The following FRMD4A variants were observed in gnomAD, a reference collection of about 807,000 sequenced individuals.
The protein encoded by FRMD4A is FERM domain-containing protein 4A.
A neutral mutation model predicts 129.1 loss-of-function variants in FRMD4A; 29 were observed. That is an observed-to-expected ratio of 0.22 (90% CI 0.17 to 0.31). The LOEUF (loss-of-function observed/expected upper bound fraction) is 0.31. Ranked by LOEUF, FRMD4A falls within the 10% of genes least tolerant of loss-of-function variation. The pLI is 1.00. For missense variants in FRMD4A, 1,272 were observed against 1,375.8 expected (o/e 0.92, Z 1.19); for synonymous variants, 634 against 571.6 (o/e 1.11, Z -1.56).
chr10:13,734,840 C>CTTTT (rs1338476957), intron 12 of FRMD4A, among the ~76,000 whole-genome samples: 3 of 141,524 alleles, frequency 2.1e-5, no homozygotes, highest in African/African-American at 8.0e-5. Flanking sequence ...TCTTCTTTTT[C>CTTTT]TATTTATTTA....
chr10:14,076,098 T>G (rs905881414), intron 2 of FRMD4A, among the ~76,000 whole-genome samples: 2 of 152,182 alleles, frequency 1.3e-5, no homozygotes, highest in Non-Finnish European at 2.9e-5. Context: ...GTTTCATTAC[T>G]ACAAGGCTGG....
At chr10:14,109,787 C>A (rs183154549) in intron 2 of FRMD4A, among the ~76,000 whole-genome samples, 28 of 151,566 alleles carry the variant, frequency 1.8e-4, no homozygotes, top group Non-Finnish European at 4.1e-4. Flanking sequence ...GCCTGGCCAA[C>A]ATGGAGAAAC....
intron 2 of FRMD4A, chr10:14,008,553 C>G (rs750735392): frequency 4.5e-5 from 44 of 969,858 alleles, no homozygotes; most frequent in Non-Finnish European, 5.4e-5. Flanking sequence ...GGTCAGTTGT[C>G]TAATCAAAGC....
chr10:14,092,878 T>C (rs1308372452), intron 2 of FRMD4A, among the ~76,000 whole-genome samples: 1 of 152,182 alleles, frequency 6.6e-6, no homozygotes, highest in East Asian at 1.9e-4. Context: ...AGAATGGGAC[T>C]CAGGCCTAGG....
At chr10:13,780,607 C>T (rs1303697292) in intron 6 of FRMD4A, among the ~76,000 whole-genome samples, 4 of 152,136 alleles carry the variant, frequency 2.6e-5, no homozygotes, top group South Asian at 2.1e-4. Flanking sequence ...TACAGGGAAA[C>T]GCAAATCAAA....
At chr10:14,187,041 C>T (rs972768112) in intron 2 of FRMD4A, among the ~76,000 whole-genome samples, 8 of 151,598 alleles carry the variant, frequency 5.3e-5, no homozygotes, top group African/African-American at 1.9e-4. Flanking sequence ...ATTGCCTGAG[C>T]CCAGGAGTTT....
At chr10:13,877,431 C>T (rs145918906) in intron 2 of FRMD4A, among the ~76,000 whole-genome samples, 16 of 152,258 alleles carry the variant, frequency 1.1e-4, no homozygotes, top group South Asian at 4.2e-4. Context: ...CTAGTGGCAT[C>T]GGAGCAAGAC....
At position 13,659,259 on chromosome 10, in the gene FRMD4A, G is replaced by A. The variant is rs368099541; in HGVS notation, c.2066+64C>T. On this transcript the variant is annotated intron_variant, in intron 21 of 24. Transcript: ENST00000357447. ...TCATCCATTATTTGGGCCAGCTTGG[G>A]GCTGACAATGCCCAATTTTAAAAAG... is the stretch of plus-strand genomic sequence containing the variant. The A allele has an allele frequency of 6.0e-5, 84 of 1,405,916 alleles. No homozygotes were observed. The African/African-American group carries it at 1.1e-3, about 18-fold the overall frequency. 87.1% of individuals were successfully genotyped at this position (1,405,916 alleles called of 1,614,324 possible).
intron 2 of FRMD4A, among the ~76,000 whole-genome samples, chr10:14,001,478 G>A (rs1490013284): frequency 6.6e-6 from 1 of 152,162 alleles, no homozygotes; most frequent in Non-Finnish European, 1.5e-5. Flanking sequence ...TTCCACACCA[G>A]CTTGAGGAAT....
At chr10:13,928,514 G>A (rs908631411) in intron 2 of FRMD4A, among the ~76,000 whole-genome samples, 14 of 152,090 alleles carry the variant, frequency 9.2e-5, no homozygotes, top group Admixed American at 5.2e-4. Context: ...TTTTAAAGCC[G>A]TGGGATTAAA....
intron 2 of FRMD4A, among the ~76,000 whole-genome samples, chr10:13,904,178 G>T (rs2094853258): frequency 6.6e-6 from 1 of 152,172 alleles, no homozygotes; most frequent in African/African-American, 2.4e-5. Context: ...CAGTCCAGTT[G>T]AAAATAGGGC....
chr10:13,790,494 C>T (rs1014053268), intron 5 of FRMD4A, among the ~76,000 whole-genome samples: 1 of 151,970 alleles, frequency 6.6e-6, no homozygotes, highest in Non-Finnish European at 1.5e-5. Context: ...CACCAGGGCT[C>T]AAGGGACAGC....
At chr10:14,168,754 C>T (rs1465035623) in intron 2 of FRMD4A, among the ~76,000 whole-genome samples, 1 of 152,142 alleles carries the variant, frequency 6.6e-6, no homozygotes, top group African/African-American at 2.4e-5. Flanking sequence ...CTCAAAATGA[C>T]CTATAAGTCC....
chr10:14,051,466 G>T (rs1356995292), intron 2 of FRMD4A, among the ~76,000 whole-genome samples: 1 of 152,226 alleles, frequency 6.6e-6, no homozygotes, highest in Admixed American at 6.5e-5. Flanking sequence ...GGACGCCGGG[G>T]TGAGCGCAAG....
chr10:14,017,580 G>A (rs1049906225), intron 2 of FRMD4A, among the ~76,000 whole-genome samples: 1 of 152,182 alleles, frequency 6.6e-6, no homozygotes, highest in Non-Finnish European at 1.5e-5. Flanking sequence ...TAATTTCCAT[G>A]CTTCCTTTTC....
At chr10:13,892,022 C>G (rs2094704958) in intron 2 of FRMD4A, among the ~76,000 whole-genome samples, 1 of 139,458 alleles carries the variant, frequency 7.2e-6, no homozygotes. Context: ...ACAATGCGCG[C>G]CCCCGCCCCC....
At chr10:13,828,729 T>A (rs774213391) in intron 3 of FRMD4A, among the ~76,000 whole-genome samples, 6 of 152,064 alleles carry the variant, frequency 3.9e-5, no homozygotes, top group Non-Finnish European at 8.8e-5. Flanking sequence ...ACAGGGTTTC[T>A]CCATGTTGGT....
intron 2 of FRMD4A, among the ~76,000 whole-genome samples, chr10:14,045,896 A>G (rs1833972643): frequency 6.8e-6 from 1 of 147,188 alleles, no homozygotes; most frequent in South Asian, 2.1e-4. Context: ...TTATGATAGT[A>G]AAACTATATT....
intron 12 of FRMD4A, among the ~76,000 whole-genome samples, chr10:13,721,481 C>CA (rs142931206): frequency 0.19 from 29,187 of 150,384 alleles, 3,009 homozygotes; most frequent in East Asian, 0.23. Context: ...AACTCTGCCT[C>CA]AAAAAAAAAG....
Sources: gnomAD v4.1 joint callset for allele counts (sites outside exome capture counted in the v4.1 genomes callset) on GRCh38, gnomAD v4.1.1 for gene constraint, MANE v1.5 for transcripts, NCBI Gene and HGNC (gene_info 2026-07-23, HGNC 2026-07-21) for gene names.